DLG2: variants seen among roughly 807,000 people sequenced by gnomAD.
DLG2 encodes disks large homolog 2.
DLG2 carries 45 observed loss-of-function variants against 132.5 expected under a neutral mutation model. That is an observed-to-expected ratio of 0.34 (90% CI 0.27 to 0.44). The LOEUF is 0.44. DLG2 is among the 20% of genes least tolerant of loss of function. The pLI is 1.00. For synonymous variants in DLG2, 424 were observed against 419.6 expected, an observed-to-expected ratio of 1.01 and a Z score of -0.13; for missense variants, 1,045 against 1,196.9, an observed-to-expected ratio of 0.87 and a Z score of 1.87.
At chr11:84,424,712 C>A (rs1479218101) in intron 7 of DLG2, among the ~76,000 whole-genome samples, 1 of 151,948 alleles carries the variant, frequency 6.6e-6, no homozygotes, top group African/African-American at 2.4e-5. Flanking sequence ...AGAACAGTTT[C>A]TTTAAGGCAT....
intron 3 of DLG2, among the ~76,000 whole-genome samples, chr11:85,520,755 A>C (rs529998828): frequency 6.6e-6 from 1 of 152,314 alleles, no homozygotes; most frequent in South Asian, 2.1e-4. Flanking sequence ...AAGAACATAC[A>C]CTGAAGAAAG....
At chr11:84,450,209 C>T (rs934123816) in intron 7 of DLG2, among the ~76,000 whole-genome samples, 5 of 151,778 alleles carry the variant, frequency 3.3e-5, no homozygotes, top group African/African-American at 7.2e-5. Context: ...GTCTGACTCT[C>T]AACATCCTTA....
rs549079285 is a variant in DLG2 at position 83,629,764 on chromosome 11, C to T, written c.1940+3447G>A. Among the ~76,000 whole-genome samples the T allele has an allele frequency of 2.8e-4, 42 of 152,198 alleles. 1 individual carries two copies. The highest frequency in any genetic ancestry group is 4.8e-4 in the African/African-American group (20 of 41,538). On this transcript the variant is annotated intron_variant, in intron 19 of 27. Transcript: ENST00000376104. ...AAACTCACTCTTCCAAGGCAGTGAA[C>T]GAGAGCCTCAAAATACACGCAATAA... is the stretch of plus-strand genomic sequence containing the variant.
chr11:83,810,196 T>A (rs1046002407), intron 17 of DLG2, among the ~76,000 whole-genome samples: 2 of 152,050 alleles, frequency 1.3e-5, no homozygotes, highest in African/African-American at 4.8e-5. Flanking sequence ...TGAGGATTAG[T>A]GAATGGGTGT....
chr11:83,974,627 C>T (rs937481266), intron 12 of DLG2, among the ~76,000 whole-genome samples: 2 of 31,154 alleles, frequency 6.4e-5, no homozygotes, highest in African/African-American at 1.0e-4. Flanking sequence ...ATTTAGCAAA[C>T]GTATTTGGTC....
chr11:85,585,884 T>C (rs2078934709), intron 3 of DLG2, among the ~76,000 whole-genome samples: 1 of 152,096 alleles, frequency 6.6e-6, no homozygotes, highest in Non-Finnish European at 1.5e-5. Flanking sequence ...CGGCTAATTT[T>C]TTTGTATATG....
At chr11:85,091,640 G>T (rs141946355) in intron 6 of DLG2, among the ~76,000 whole-genome samples, 1 of 152,112 alleles carries the variant, frequency 6.6e-6, no homozygotes, top group Non-Finnish European at 1.5e-5. Context: ...CTTTGTTGTC[G>T]TGTCTACAAT....
rs35572754 is a variant in DLG2, at chr11:83,743,429, ATT to A, written c.1825+43259_1825+43260del. 1.8e-3 allele frequency among the ~76,000 whole-genome samples: 191 copies of A among 103,774 alleles called. 19 individuals are homozygous for A. The highest frequency in any genetic ancestry group is 9.9e-3 in the African/African-American group (172 of 17,326). The allele number at this position is 103,774 out of a possible 152,430, so 68.1% of individuals were successfully genotyped here. On this transcript the variant is annotated intron_variant, in intron 18 of 27. Transcript: ENST00000376104. ...CAATGTACATAACAGTGGGCAGGCC[ATT>A]TTTTTTTTTTTTTTTTTTATGACAG...
chr11:84,852,593 C>T (rs1310231432), intron 6 of DLG2, among the ~76,000 whole-genome samples: 2 of 151,502 alleles, frequency 1.3e-5, no homozygotes, highest in African/African-American at 4.8e-5. Flanking sequence ...ATCTCAGATA[C>T]CAGAAAAAAA....
At chr11:84,172,525 A>T (rs2095848377) in intron 8 of DLG2, among the ~76,000 whole-genome samples, 1 of 71,180 alleles carries the variant, frequency 1.4e-5, no homozygotes, top group Admixed American at 1.7e-4. Flanking sequence ...ATTCTTATTT[A>T]TTTATTTATT....
chr11:84,908,550 T>C (rs1206874230), intron 6 of DLG2, among the ~76,000 whole-genome samples: 1 of 152,036 alleles, frequency 6.6e-6, no homozygotes, highest in South Asian at 2.1e-4. Context: ...CTGAATTTGA[T>C]ACAGATTTTT....
At chr11:83,531,693 A>G (rs934617045) in intron 21 of DLG2, among the ~76,000 whole-genome samples, 2 of 151,112 alleles carry the variant, frequency 1.3e-5, no homozygotes, top group Non-Finnish European at 3.0e-5. Context: ...AAGTTTGTAC[A>G]CAAATGCTCA....
At chr11:85,293,648 G>T (rs1334225280) in intron 3 of DLG2, among the ~76,000 whole-genome samples, 2 of 152,088 alleles carry the variant, frequency 1.3e-5, no homozygotes, top group African/African-American at 4.8e-5. Flanking sequence ...ATGAACTATT[G>T]CAGATTAAAG....
At chr11:84,861,094 G>C (rs1008452330) in intron 6 of DLG2, among the ~76,000 whole-genome samples, 3 of 152,062 alleles carry the variant, frequency 2.0e-5, no homozygotes, top group African/African-American at 7.2e-5. Flanking sequence ...CACTAAAATG[G>C]TACTTGGTAA....
At chr11:84,772,878 A>G (rs1400167239) in intron 6 of DLG2, among the ~76,000 whole-genome samples, 1 of 152,104 alleles carries the variant, frequency 6.6e-6, no homozygotes, top group Non-Finnish European at 1.5e-5. Flanking sequence ...ATATCACACC[A>G]AGAAAAACTA....
chr11:83,665,702 A>G (rs2075373319), intron 18 of DLG2, among the ~76,000 whole-genome samples: 2 of 152,226 alleles, frequency 1.3e-5, no homozygotes, highest in Admixed American at 1.3e-4. Context: ...AGAGAAAAGA[A>G]AGGCAGATCA....
chr11:84,209,577 A>AT (rs1274192733), intron 8 of DLG2, among the ~76,000 whole-genome samples: 2 of 151,444 alleles, frequency 1.3e-5, no homozygotes, highest in Non-Finnish European at 2.9e-5. Context: ...TCTCTTTCCT[A>AT]TTTTTTTAAC....
intron 3 of DLG2, among the ~76,000 whole-genome samples, chr11:85,479,163 A>C (rs1395591895): frequency 6.6e-6 from 1 of 152,234 alleles, no homozygotes; most frequent in African/African-American, 2.4e-5. Context: ...GTCTTAGTCC[A>C]TTTGGGCTAC....
intron 6 of DLG2, among the ~76,000 whole-genome samples, chr11:84,860,944 AT>A (rs1410252681): frequency 6.6e-6 from 1 of 152,046 alleles, no homozygotes; most frequent in African/African-American, 2.4e-5. Flanking sequence ...ACATGCACTT[AT>A]TTTTTTATCC....
Sources: gnomAD v4.1 joint callset for allele counts (sites outside exome capture counted in the v4.1 genomes callset) on GRCh38, gnomAD v4.1.1 for gene constraint, MANE v1.5 for transcripts, NCBI Gene and HGNC (gene_info 2026-07-23, HGNC 2026-07-21) for gene names.